LRP2: variants seen among roughly 807,000 people sequenced by gnomAD.
The protein encoded by LRP2 is low-density lipoprotein receptor-related protein 2.
Under a neutral mutation model 531.0 loss-of-function variants are expected in LRP2, and 172 were observed. The observed-to-expected ratio is 0.32, with a 90% CI of 0.29 to 0.37. The LOEUF (loss-of-function observed/expected upper bound fraction) is 0.37. Among genes scored for constraint, LRP2 ranks in the 10% least tolerant of loss-of-function variants. LRP2 has a pLI of 1.00. For synonymous variants in LRP2, 1,992 were observed against 2,027.6 expected, an observed-to-expected ratio of 0.98 and a Z score of 0.47; for missense variants, 5,167 against 5,868.3, an observed-to-expected ratio of 0.88 and a Z score of 3.90.
chr2:169,129,266 A>G (rs1685201014), intron 77 of LRP2, among the ~76,000 whole-genome samples, 182 bp from the exon 78 acceptor site: 2 of 152,218 alleles, frequency 1.3e-5, no homozygotes, highest in South Asian at 2.1e-4. Context: ...CTGAACAGTA[A>G]CTGAAACTCT....
At chr2:169,192,419 A>G (rs2389589) in intron 47 of LRP2, among the ~76,000 whole-genome samples, 62,184 of 151,964 alleles carry the variant, frequency 0.41, 15,894 homozygotes, top group African/African-American at 0.72. Flanking sequence ...CACAATGTGA[A>G]ATAGGTATTT....
intron 52 of LRP2, among the ~76,000 whole-genome samples, chr2:169,178,397 C>T (rs1687296908): frequency 6.6e-6 from 1 of 152,120 alleles, no homozygotes; most frequent in Non-Finnish European, 1.5e-5. Flanking sequence ...GGGGTGAACA[C>T]CATTCTTGTT....
intron 4 of LRP2, 107 bp downstream of exon 4, chr2:169,307,174 G>A (rs970978497): frequency 5.0e-6 from 4 of 795,772 alleles, no homozygotes; most frequent in Non-Finnish European, 9.1e-6. Context: ...AATAACAAGA[G>A]GCATATTGTA....
At chr2:169,201,918 A>G in intron 43 of LRP2, 48 bp from the exon 44 acceptor site, 1 of 1,609,256 alleles carries the variant, frequency 6.2e-7, no homozygotes, top group Non-Finnish European at 8.5e-7. Flanking sequence ...TTAAAACATT[A>G]TCCTAATTTT....
At chr2:169,337,475 G>T (rs1685437333) in intron 1 of LRP2, among the ~76,000 whole-genome samples, 1 of 152,106 alleles carries the variant, frequency 6.6e-6, no homozygotes, top group South Asian at 2.1e-4. Context: ...ACAGTCAAAG[G>T]GCTTTTCAGG....
chr2:169,206,848 A>G lies in LRP2; in HGVS notation c.6872T>C (p.Ile2291Thr), dbSNP rs780277204. The change falls in exon 39 of 79, where the codon ATA becomes ACA. Residue 2291 changes from isoleucine to threonine, a missense_variant. Around this residue, in one of 6 missense-constraint regions of LRP2, gnomAD observed 2,811 missense variants for 3,058.0 expected, o/e 0.92. Coordinates refer to ENST00000649046, the MANE Select transcript of LRP2 (RefSeq NM_004525.3). ...YGITVFENSI[I>T]WVDRNLKKIF... The stretch of plus-strand genomic sequence containing the variant: ...CTTTTTCAAATTCCTATCTACCCAT[A>G]TGATAGAATTTTCAAAAACAGTGAT... The G allele has an allele frequency of 6.2e-7, 1 of 1,614,144 alleles. No individual in the cohort carries two copies. The highest frequency in any genetic ancestry group is 8.5e-7 in the Non-Finnish European group (1 of 1,180,026).
intron 50 of LRP2, among the ~76,000 whole-genome samples, chr2:169,184,360 C>G (rs1001335964): frequency 3.3e-5 from 5 of 152,224 alleles, no homozygotes; most frequent in Admixed American, 1.3e-4. Flanking sequence ...AGGCCAGCTA[C>G]TGGTCAGGGA....
In LRP2 at chr2:169,242,967, T is replaced by C; in HGVS notation, c.3656A>G (p.Glu1219Gly). ...GVFDCSDNSD[E>G]AGCPTRPPGM... ...TATGTGTTACTTACGACAGCCTGCT[T>C]CATCCGAGTTGTCACTGCAATCAAA... The change falls in exon 24 of 79, where the codon GAA becomes GGA. Residue 1219 changes from glutamate to glycine, a missense_variant. This residue lies in a region of LRP2 where 2,811 missense variants were observed against 3,058.0 expected (regional missense o/e 0.92). Transcript: ENST00000649046. The C allele has an allele frequency of 6.2e-7, 1 of 1,613,690 alleles. No individual in the cohort carries two copies. Among genetic ancestry groups the C allele is most frequent in the Non-Finnish European group, 8.5e-7 (1 of 1,179,618 alleles).
intron 44 of LRP2, 122 bp downstream of exon 44, chr2:169,201,506 C>A (rs1053525945): frequency 1.5e-6 from 2 of 1,362,620 alleles, no homozygotes; most frequent in Non-Finnish European, 2.0e-6. Flanking sequence ...CAAAAATTTA[C>A]GTTTTAGATA....
chr2:169,248,106 C>A (rs1690083290), intron 19 of LRP2, among the ~76,000 whole-genome samples: 1 of 151,220 alleles, frequency 6.6e-6, no homozygotes, highest in Non-Finnish European at 1.5e-5. Context: ...AAAATCTCAA[C>A]ACAAGTGTGG....
Position 169,139,251 on chromosome 2 carries a change from C to T in LRP2, c.13388G>A (p.Ser4463Asn). 6.2e-7 allele frequency: 1 copy of T among 1,614,146 alleles called. No individual in the cohort carries two copies. Among genetic ancestry groups the T allele is most frequent in the Non-Finnish European group, 8.5e-7 (1 of 1,180,008 alleles). The change falls in exon 74 of 79, where the codon AGC becomes AAC. Residue 4463 changes from serine (S) to asparagine (N), a missense_variant and splice_region_variant. Ser to Asn is a conservative substitution (Grantham distance 46). Coordinates refer to ENST00000649046, the MANE Select transcript of LRP2 (RefSeq NM_004525.3). ...SLLPALPKLP[S>N]LSSLVKPSEN... ...CAACGTTCCCCATAATGAAACTGAC[C>T]TTGGCAGCTTGGGCAGAGCAGGCAA...
intron 23 of LRP2, 32 bp downstream of exon 23, chr2:169,243,371 A>C: frequency 2.5e-6 from 4 of 1,613,074 alleles, no homozygotes; most frequent in Non-Finnish European, 2.5e-6. Flanking sequence ...CTAAATAAAC[A>C]TTGTGAATAA....
chr2:169,141,864 T>C (rs1347217462), intron 71 of LRP2, among the ~76,000 whole-genome samples: 1 of 151,912 alleles, frequency 6.6e-6, no homozygotes, highest in Admixed American at 6.6e-5. Context: ...AAGAAACAGT[T>C]TTTTCTCCCT....
chr2:169,150,342 A>G (rs1488615176), intron 68 of LRP2, among the ~76,000 whole-genome samples: 1 of 152,238 alleles, frequency 6.6e-6, no homozygotes, highest in Non-Finnish European at 1.5e-5. Context: ...TTATTCAAAT[A>G]AATGTCTTGA....
Position 169,142,790 on chromosome 2 carries a change from G to A in LRP2, c.12992C>T (p.Pro4331Leu), listed in dbSNP as rs531431542. The change falls in exon 71 of 79, where the codon CCC becomes CTC. Residue 4331 changes from proline (P) to leucine (L), a missense_variant. Pro to Leu is a moderately conservative substitution (Grantham distance 98). This residue lies in a region of LRP2 where 564 missense variants were observed against 747.7 expected (regional missense o/e 0.75). Coordinates refer to ENST00000649046, the MANE Select transcript of LRP2 (RefSeq NM_004525.3). ...FHQLRYNKSV[P>L]NLCKQICSHL... ...GCTGCAGATCTGTTTGCAAAGGTTG[G>A]GCACTGGAAAGCGGGTGAGAACAGC... The A allele has an allele frequency of 2.5e-6, 4 of 1,613,914 alleles. No individual in the cohort carries two copies. Among genetic ancestry groups the A allele is most frequent in the African/African-American group, 1.3e-5 (1 of 75,044 alleles).
At chr2:169,270,719 C>G (rs980649235) in intron 16 of LRP2, among the ~76,000 whole-genome samples, 185 bp downstream of exon 16, 1 of 150,294 alleles carries the variant, frequency 6.7e-6, no homozygotes, top group African/African-American at 2.5e-5. Context: ...CAAACCTGCA[C>G]GTTGTGCACA....
intron 7 of LRP2, 102 bp from the exon 8 acceptor site, chr2:169,291,099 A>C: frequency 3.1e-6 from 3 of 973,610 alleles, no homozygotes; most frequent in Non-Finnish European, 4.7e-6. Context: ...TGAACAAGAG[A>C]AATCTATAAA....
intron 19 of LRP2, among the ~76,000 whole-genome samples, chr2:169,254,805 G>T (rs1291549040): frequency 6.6e-6 from 1 of 151,854 alleles, no homozygotes; most frequent in Non-Finnish European, 1.5e-5. Flanking sequence ...TCCCAGCCCA[G>T]AGCAGAGAAA....
intron 47 of LRP2, 58 bp from the exon 48 acceptor site, chr2:169,192,091 C>G (rs1408936776): frequency 2.9e-6 from 4 of 1,386,060 alleles, no homozygotes; most frequent in Non-Finnish European, 4.0e-6. Flanking sequence ...GCAGTTAATT[C>G]TCTTTGCTTT....
Sources: gnomAD v4.1 joint callset for allele counts (sites outside exome capture counted in the v4.1 genomes callset) on GRCh38, gnomAD v4.1.1 for gene constraint, gnomAD v4.1.1 regional missense constraint, MANE v1.5 for transcripts, NCBI Gene and HGNC (gene_info 2026-07-23, HGNC 2026-07-21) for gene names.